Variants in ERC1 observed in about 807,000 individuals in gnomAD.
The protein encoded by ERC1 is RAB6 interacting protein 2.
ERC1 carries 56 observed loss-of-function variants against 132.0 expected under a neutral mutation model. That is an observed-to-expected ratio of 0.42 (90% confidence interval 0.34 to 0.53). The LOEUF (loss-of-function observed/expected upper bound fraction) is 0.53. Ranked by LOEUF, ERC1 falls within the 20% of genes least tolerant of loss-of-function variation. The pLI is 0.03. For synonymous variants in ERC1, 478 were observed against 476.1 expected (o/e 1.00, Z -0.05); for missense variants, 1,202 against 1,349.9 (o/e 0.89, Z 1.72).
intron 2 of ERC1, among the ~76,000 whole-genome samples, chr12:1,060,319 C>T (rs1351153438): frequency 6.6e-6 from 1 of 151,854 alleles, no homozygotes; most frequent in Non-Finnish European, 1.5e-5. Flanking sequence ...AATGCTAACC[C>T]TCCCCCCTTC....
intron 12 of ERC1, among the ~76,000 whole-genome samples, chr12:1,210,154 G>A (rs1381293867): frequency 1.3e-5 from 2 of 152,214 alleles, no homozygotes; most frequent in Non-Finnish European, 2.9e-5. Context: ...GAACTATTGA[G>A]TTGGCTTCTT....
chr12:1,107,621 C>T (rs953096367), intron 4 of ERC1, among the ~76,000 whole-genome samples: 2 of 152,130 alleles, frequency 1.3e-5, no homozygotes, highest in Non-Finnish European at 2.9e-5. Flanking sequence ...TCTGACATTG[C>T]AATCCTCGGA....
In ERC1 at chr12:1,243,207, G is replaced by GAAA. The variant is rs528544729; in HGVS notation, c.2487+6313_2487+6315dup. Among the ~76,000 whole-genome samples the GAAA allele has an allele frequency of 5.8e-4, 80 of 139,000 alleles. 1 individual carries two copies. The highest frequency in any genetic ancestry group is 2.0e-3 in the African/African-American group (76 of 38,146). 91.2% of individuals were successfully genotyped at this position (139,000 alleles called of 152,430 possible). On this transcript the variant is annotated intron_variant, in intron 13 of 18. Transcript: ENST00000360905. The stretch of plus-strand genomic sequence containing the variant: ...AGACTCCGTCTCAAAAAAAAAAAAA[G>GAAA]AAAAAAAAAAAAGAAATCGAGAGAT...
At chr12:1,199,616 A>G (rs758540282) in intron 12 of ERC1, among the ~76,000 whole-genome samples, 4 of 151,770 alleles carry the variant, frequency 2.6e-5, no homozygotes, top group Admixed American at 2.6e-4. Flanking sequence ...ACTAAAAAAT[A>G]GGAAAAAAAA....
At chr12:1,055,887 G>GT (rs562794835) in intron 2 of ERC1, among the ~76,000 whole-genome samples, 5 of 152,234 alleles carry the variant, frequency 3.3e-5, no homozygotes, top group African/African-American at 1.2e-4. Flanking sequence ...GCTCATGTCT[G>GT]TAATCCCAGC....
intron 4 of ERC1, among the ~76,000 whole-genome samples, chr12:1,109,576 T>C (rs1336356323): frequency 6.6e-6 from 1 of 152,242 alleles, no homozygotes; most frequent in Non-Finnish European, 1.5e-5. Context: ...ATTTGTAATT[T>C]CTGATGCAAA....
intron 16 of ERC1, among the ~76,000 whole-genome samples, chr12:1,393,687 G>A (rs868771334): frequency 8.2e-5 from 12 of 146,410 alleles, no homozygotes; most frequent in African/African-American, 2.5e-4. Flanking sequence ...TTCTCTGCTT[G>A]CTTAGCTGTT....
intron 14 of ERC1, among the ~76,000 whole-genome samples, chr12:1,268,820 C>T (rs2077637288): frequency 6.6e-6 from 1 of 152,056 alleles, no homozygotes; most frequent in Admixed American, 6.6e-5. Flanking sequence ...CAACATGTTC[C>T]ATGTAGAGGG....
intron 2 of ERC1, among the ~76,000 whole-genome samples, chr12:1,080,855 C>T (rs965323503): frequency 1.2e-4 from 18 of 151,890 alleles, no homozygotes; most frequent in Non-Finnish European, 2.5e-4. Flanking sequence ...CCAATTAAAC[C>T]TCTTTTTGTT....
At chr12:1,337,145 G>A (rs1482023622) in intron 15 of ERC1, among the ~76,000 whole-genome samples, 1 of 152,072 alleles carries the variant, frequency 6.6e-6, no homozygotes, top group Non-Finnish European at 1.5e-5. Flanking sequence ...TGTTAGTGGG[G>A]TATTGAAGTC....
At chr12:1,208,248 G>A (rs761418684) in intron 12 of ERC1, among the ~76,000 whole-genome samples, 5 of 152,134 alleles carry the variant, frequency 3.3e-5, no homozygotes, top group African/African-American at 4.8e-5. Context: ...TATCAAGCTT[G>A]TCCAACCCAT....
chr12:1,004,467 C>T (rs1325764787), intron 1 of ERC1, among the ~76,000 whole-genome samples: 44 of 129,046 alleles, frequency 3.4e-4, no homozygotes, highest in East Asian at 2.7e-3. Context: ...AGTGCAGTGA[C>T]GTGATCTCGG....
intron 17 of ERC1, among the ~76,000 whole-genome samples, chr12:1,420,289 ATAGAGATACAAATT>A (rs2092369651): frequency 6.6e-6 from 1 of 152,210 alleles, no homozygotes; most frequent in South Asian, 2.1e-4. Context: ...TTTTCATTCA[ATAGAGATACAAATT>A]TGGAGACCAT....
chr12:1,059,244 T>C (rs964028125), intron 2 of ERC1, among the ~76,000 whole-genome samples: 5 of 152,196 alleles, frequency 3.3e-5, no homozygotes, highest in African/African-American at 1.2e-4. Flanking sequence ...ATGGAGTCTT[T>C]AGGTTTTTCT....
intron 8 of ERC1, among the ~76,000 whole-genome samples, chr12:1,143,963 A>AT (rs887836916): frequency 1.5e-4 from 22 of 150,972 alleles, no homozygotes; most frequent in Non-Finnish European, 2.7e-4. Context: ...AAAGGTTTGG[A>AT]TTTTTTTTTA....
At chr12:1,292,203 T>A (rs1371127771) in intron 15 of ERC1, among the ~76,000 whole-genome samples, 2 of 152,186 alleles carry the variant, frequency 1.3e-5, no homozygotes, top group Non-Finnish European at 2.9e-5. Context: ...TTATTTTTAA[T>A]AAAATTTTTA....
chr12:1,001,715 C>T (rs767545304), intron 1 of ERC1, among the ~76,000 whole-genome samples: 8 of 152,074 alleles, frequency 5.3e-5, no homozygotes, highest in Non-Finnish European at 1.0e-4. Flanking sequence ...TTGTATGTAG[C>T]TGTTCGTTCA....
rs544105552 is a variant in ERC1 at position 1,204,639 on chromosome 12, A to G, written c.2351+14587A>G. 7.7e-6 allele frequency: 7 copies of G among 906,160 alleles called. No homozygotes were observed. The East Asian group carries it at 1.6e-4, about 21-fold the overall frequency. The allele number at this position is 906,160 out of a possible 1,614,324, so 56.1% of individuals were successfully genotyped here. ...TATCTAGAAATCTAGCTGTGAGGAT[A>G]AAATGTCAAGGGTATTGGGTTTATC... is the stretch of plus-strand genomic sequence containing the variant. On this transcript the variant is annotated intron_variant, in intron 12 of 18. Coordinates refer to ENST00000360905, the MANE Select transcript of ERC1 (RefSeq NM_178040.4).
intron 15 of ERC1, among the ~76,000 whole-genome samples, chr12:1,300,417 G>A (rs1465524665): frequency 6.6e-6 from 1 of 151,832 alleles, no homozygotes; most frequent in Non-Finnish European, 1.5e-5. Flanking sequence ...TCATGACAAA[G>A]ACGCCAAAAG....
Sources: allele counts gnomAD v4.1 joint callset (sites outside exome capture counted in the v4.1 genomes callset), GRCh38; gene constraint gnomAD v4.1.1; transcripts MANE v1.5; gene names NCBI Gene and HGNC (gene_info 2026-07-23, HGNC 2026-07-21).